Variants in ABAT observed in about 807,000 individuals in gnomAD.
ABAT encodes the protein 4-aminobutyrate aminotransferase, mitochondrial.
Under a neutral mutation model 64.6 loss-of-function variants are expected in ABAT, and 45 were observed. The observed-to-expected ratio is 0.70, with a 90% CI of 0.55 to 0.89. The LOEUF is 0.89. Among genes scored for constraint, ABAT ranks in the 40% least tolerant of loss-of-function variants. The pLI is 0.00. For synonymous variants in ABAT, 297 were observed against 250.5 expected (o/e 1.19, Z -1.75); for missense variants, 633 against 658.4 (o/e 0.96, Z 0.42).
chr16:8,734,849 G>C (rs921027854), intron 1 of ABAT, among the ~76,000 whole-genome samples: 48 of 152,068 alleles, frequency 3.2e-4, no homozygotes, highest in African/African-American at 1.1e-3. Context: ...AGGGAACAGG[G>C]AGCAAGGAGA....
chr16:8,680,829 C>T (rs2141907090), intron 1 of ABAT, among the ~76,000 whole-genome samples: 1 of 152,288 alleles, frequency 6.6e-6, no homozygotes, highest in South Asian at 2.1e-4. Flanking sequence ...TGGCATTGAG[C>T]ATCTTATGTG....
intron 1 of ABAT, among the ~76,000 whole-genome samples, chr16:8,707,647 G>T (rs1040217163): frequency 6.6e-6 from 1 of 152,192 alleles, no homozygotes. Flanking sequence ...CAAGAGAGAA[G>T]CTTACATTTC....
chr16:8,735,123 G>A (rs1036501993), intron 1 of ABAT, among the ~76,000 whole-genome samples: 10 of 145,262 alleles, frequency 6.9e-5, no homozygotes, highest in African/African-American at 2.1e-4. Flanking sequence ...GCAGTGAACC[G>A]AGATCGAGCC....
At chr16:8,778,613 A>G (rs2060336977) in intron 14 of ABAT, among the ~76,000 whole-genome samples, 1 of 152,084 alleles carries the variant, frequency 6.6e-6, no homozygotes, top group Admixed American at 6.5e-5. Context: ...GTTTCTACTA[A>G]AACTACAAAA....
intron 1 of ABAT, among the ~76,000 whole-genome samples, chr16:8,716,485 A>T (rs1016812313): frequency 3.9e-5 from 6 of 152,220 alleles, no homozygotes; most frequent in African/African-American, 1.4e-4. Context: ...AGTGATGGGG[A>T]AACCTGAAGG....
At chr16:8,761,816 C>T (rs1273398) in intron 6 of ABAT, among the ~76,000 whole-genome samples, 19,163 of 152,064 alleles carry the variant, frequency 0.13, 1,621 homozygotes, top group African/African-American at 0.24. Context: ...CACCAAAGTC[C>T]CAAGAAGGGG....
rs1416930696 is a variant in ABAT at position 8,781,823 on chromosome 16, T to C, written c.*393T>C. On this transcript the variant is annotated 3_prime_UTR_variant, in exon 16 of 16. Transcript: ENST00000268251. This position sits in a 1 kb window ranked among gnomAD's most constrained non-coding sequence, Gnocchi z 4.5. Reference sequence around the variant, plus strand: ...TGGGCCTCCTGGGTGCCAGTCCATCTCAAGTGCCATATTCTGTGATCACGG... The same window carrying C: ...TGGGCCTCCTGGGTGCCAGTCCATCCCAAGTGCCATATTCTGTGATCACGG... 5.6e-6 allele frequency: 2 copies of C among 356,912 alleles called. No individual in the cohort carries two copies. The highest frequency in any genetic ancestry group is 1.1e-5 in the Non-Finnish European group (2 of 183,226). The allele number at this position is 356,912 out of a possible 1,614,324, so 22.1% of individuals were successfully genotyped here. A position where few individuals can be genotyped will look rare whatever the true frequency, so the allele number is the denominator to read the frequency against.
At position 8,776,882 on chromosome 16, in the gene ABAT, T is replaced by A. The variant is rs1008534788; in HGVS notation, c.1269+392T>A. Reference sequence around the variant, plus strand: ...TGCCGGCACTGGTTATCTTTCTTATTTATTTTATTTTATTTTATTTGTCTA... The same window carrying A: ...TGCCGGCACTGGTTATCTTTCTTATATATTTTATTTTATTTTATTTGTCTA... On this transcript the variant is annotated intron_variant, in intron 14 of 15. Transcript: ENST00000268251. The surrounding 1 kb of genome is among the most constrained non-coding windows in gnomAD (Gnocchi z 4.4). Among the ~76,000 whole-genome samples the A allele has an allele frequency of 2.0e-5, 3 of 151,852 alleles. No individual in the cohort carries two copies. Among genetic ancestry groups the A allele is most frequent in the South Asian group, 2.1e-4 (1 of 4,796 alleles).
intron 1 of ABAT, among the ~76,000 whole-genome samples, chr16:8,708,464 G>A (rs186762025): frequency 0.011 from 1,738 of 151,984 alleles, 13 homozygotes; most frequent in Non-Finnish European, 0.018. Flanking sequence ...GTGGTGGGGG[G>A]CGCAGGTGGC....
At chr16:8,752,193 G>A (rs1457578018) in intron 5 of ABAT, among the ~76,000 whole-genome samples, 4 of 152,200 alleles carry the variant, frequency 2.6e-5, no homozygotes. Flanking sequence ...TAGACAGTAA[G>A]CGGATGACTC....
intron 1 of ABAT, among the ~76,000 whole-genome samples, chr16:8,684,701 C>A (rs1351132874): frequency 7.4e-6 from 1 of 135,486 alleles, no homozygotes. Flanking sequence ...CCAGCGTGGA[C>A]AACAGAGTGA....
intron 6 of ABAT, among the ~76,000 whole-genome samples, chr16:8,763,659 C>G (rs1322591170): frequency 6.6e-6 from 1 of 152,226 alleles, no homozygotes; most frequent in East Asian, 1.9e-4. Context: ...CCGCCTCGGC[C>G]TCCCAAAATG....
At chr16:8,725,305 C>G (rs1392966565) in intron 1 of ABAT, among the ~76,000 whole-genome samples, 1 of 152,160 alleles carries the variant, frequency 6.6e-6, no homozygotes, top group Non-Finnish European at 1.5e-5. Flanking sequence ...GTGCAGCCAC[C>G]ACCGCTATCT....
chr16:8,675,962 T>A (rs371207532), intron 1 of ABAT, among the ~76,000 whole-genome samples: 4 of 150,974 alleles, frequency 2.6e-5, no homozygotes, highest in East Asian at 4.0e-4. Flanking sequence ...GCTGGGCCCA[T>A]CCACTGGGGA....
intron 1 of ABAT, among the ~76,000 whole-genome samples, chr16:8,719,718 C>A (rs563650541): frequency 1.3e-5 from 2 of 152,120 alleles, no homozygotes; most frequent in Admixed American, 1.3e-4. Flanking sequence ...CGTAGTGAGA[C>A]CTTGTCTCTC....
intron 4 of ABAT, among the ~76,000 whole-genome samples, chr16:8,749,547 C>T (rs537378578): frequency 2.0e-5 from 3 of 150,904 alleles, no homozygotes; most frequent in African/African-American, 4.9e-5. Context: ...TACAGGTGCC[C>T]GCCACTATGC....
At position 8,783,363 on chromosome 16, in the gene ABAT, T is replaced by G. The variant is rs4985036; in HGVS notation, c.*1933T>G. ...CAATTCAAGCAGGCGCCAAGTGCTA[T>G]GACAGAGGTGTGAATAAAAGCATCA... On this transcript the variant is annotated 3_prime_UTR_variant, in exon 16 of 16. Transcript: ENST00000268251. The G allele has an allele frequency of 6.6e-6, 1 of 151,996 alleles. No individual in the cohort carries two copies. The highest frequency in any genetic ancestry group is 1.5e-5 in the Non-Finnish European group (1 of 68,052). 9.4% of individuals were successfully genotyped at this position (151,996 alleles called of 1,614,324 possible).
intron 1 of ABAT, among the ~76,000 whole-genome samples, chr16:8,702,157 T>C (rs953316666): frequency 6.6e-6 from 1 of 152,062 alleles, no homozygotes; most frequent in African/African-American, 2.4e-5. Context: ...AGCTTCTGTT[T>C]GTGGGAAGAC....
intron 3 of ABAT, among the ~76,000 whole-genome samples, chr16:8,747,472 T>C (rs2059366834): frequency 6.6e-6 from 1 of 152,208 alleles, no homozygotes; most frequent in Non-Finnish European, 1.5e-5. Flanking sequence ...GGGAGATAGA[T>C]TTTAATCTAG....
Sources: allele counts gnomAD v4.1 joint callset (sites outside exome capture counted in the v4.1 genomes callset), GRCh38; gene constraint gnomAD v4.1.1; non-coding constraint Gnocchi (gnomAD v3.1); transcripts MANE v1.5; gene names NCBI Gene and HGNC (gene_info 2026-07-23, HGNC 2026-07-21).